Variants in ZBTB48 observed in about 807,000 individuals in gnomAD.
ZBTB48 encodes zinc finger and BTB domain containing 48, also known as zinc finger and BTB domain-containing protein 48.
ZBTB48 carries 35 observed loss-of-function variants against 64.5 expected under a neutral mutation model. That is an observed-to-expected ratio of 0.54 (90% CI 0.41 to 0.72). The LOEUF is 0.72. ZBTB48 is among the 30% of genes least tolerant of loss of function. The probability of loss-of-function intolerance (pLI) is 0.00; values close to 1 mark genes in which losing one functional copy is unlikely to be tolerated. For missense variants in ZBTB48, 828 were observed against 895.3 expected (o/e 0.92, Z 0.96); for synonymous variants, 442 against 356.7 (o/e 1.24, Z -2.70).
At chr1:6,582,442 T>C (rs182198643) in intron 3 of ZBTB48, 143 bp downstream of exon 3, 2 of 1,146,488 alleles carry the variant, frequency 1.7e-6, no homozygotes, top group Admixed American at 4.6e-5. Context: ...GGTACACCTC[T>C]GATAATCAGG....
At position 6,589,045 on chromosome 1, in the gene ZBTB48, C is replaced by G; in HGVS notation, c.1900C>G (p.Leu634Val). 1.9e-6 allele frequency: 3 copies of G among 1,600,880 alleles called. No homozygotes were observed. Among genetic ancestry groups the G allele is most frequent in the Middle Eastern group, 1.7e-4 (1 of 5,968 alleles). The stretch of plus-strand genomic sequence containing the variant: ...GGTGGCGCTGCAGCCGCCTGCAGAG[C>G]TGGAGGTGGGCTCGGCGGAGGTCAT... ...VVVALQPPAE[L>V]EVGSAEVIVE... Residue 634 changes from leucine (L) to valine (V), a missense_variant, in exon 11 of 11, where the codon CTG (leucine) becomes GTG (valine). Leu to Val is a conservative substitution (Grantham distance 32, BLOSUM62 1). Coordinates refer to ENST00000377674, the MANE Select transcript of ZBTB48 (RefSeq NM_005341.4).
chr1:6,589,105 C>T lies in ZBTB48; in HGVS notation c.1960C>T (p.Gln654Ter). The T allele has an allele frequency of 6.2e-7, 1 of 1,608,170 alleles. No homozygotes were observed. The highest frequency in any genetic ancestry group is 2.2e-5 in the East Asian group (1 of 44,858). ...CCTGGCCCAGGGCGGCCTGGCCTCC[C>T]AGCTCCCCGGCCAGAGACTGTGTGC... ...ESLAQGGLAS[Q>*]LPGQRLCAEE... The change falls in exon 11 of 11, where the codon CAG (glutamine) becomes TAG (stop). Residue 654 changes from glutamine (Q) to a stop codon, truncating the protein, a stop_gained. Coordinates refer to ENST00000377674, the MANE Select transcript of ZBTB48 (RefSeq NM_005341.4). LOFTEE classifies it high-confidence loss of function.
rs777979378 is a variant in ZBTB48 at position 6,587,484 on chromosome 1, A to T, written c.1231A>T (p.Thr411Ser). ...HGAPKPHACP[T>S]CAKCFLSRTE... The stretch of plus-strand genomic sequence containing the variant: ...CTGCCTGGTCTGCCTGCAGTGCCCC[A>T]CCTGTGCCAAGTGCTTCCTGTCTCG... The change falls in exon 7 of 11, where the codon ACC becomes TCC. Residue 411 changes from threonine (T) to serine (S), a missense_variant. By Grantham distance (58) the Thr-to-Ser change is moderately conservative (BLOSUM62 1). Transcript: ENST00000377674. 4.1e-5 allele frequency: 66 copies of T among 1,613,506 alleles called. No individual in the cohort carries two copies. The highest frequency in any genetic ancestry group is 5.0e-5 in the Non-Finnish European group (59 of 1,179,932).
intron 7 of ZBTB48, among the ~76,000 whole-genome samples, 160 bp from the exon 8 acceptor site, chr1:6,587,900 T>G (rs1281758989): frequency 6.6e-6 from 1 of 152,080 alleles, no homozygotes; most frequent in Non-Finnish European, 1.5e-5. Flanking sequence ...TTCCTGTGAC[T>G]CCTGCTCATA....
At position 6,589,012 on chromosome 1, in the gene ZBTB48, A is replaced by ATGG; in HGVS notation, c.1877_1879dup (p.Val626dup). On this transcript the variant is annotated inframe_insertion, in exon 11 of 11. Transcript: ENST00000377674. ...CAACCTGATCATCGAGGACGAGAAG[A>ATGG]TGGTGGTGGTGGCGCTGCAGCCGCC... 1 of 1,596,672 alleles carries ATGG rather than the reference A, an allele frequency of 6.3e-7. No individual in the cohort carries two copies.
chr1:6,586,126 G>A, intron 4 of ZBTB48, 96 bp downstream of exon 4: 1 of 1,259,374 alleles, frequency 7.9e-7, no homozygotes, highest in Admixed American at 1.8e-5. Flanking sequence ...TGTCTGAGAG[G>A]GGTACTGTAA....
Position 6,589,105 on chromosome 1 carries a change from C to G in ZBTB48, c.1960C>G (p.Gln654Glu). The G allele has an allele frequency of 6.2e-7, 1 of 1,608,170 alleles. No individual in the cohort carries two copies. The highest frequency in any genetic ancestry group is 1.1e-5 in the South Asian group (1 of 90,476). The change falls in exon 11 of 11, where the codon CAG becomes GAG. Residue 654 changes from glutamine (Q) to glutamate (E), a missense_variant. By Grantham distance (29) the Gln-to-Glu change is conservative. Transcript: ENST00000377674. ...CCTGGCCCAGGGCGGCCTGGCCTCCCAGCTCCCCGGCCAGAGACTGTGTGC... is the reference window on the plus strand; with the variant it reads ...CCTGGCCCAGGGCGGCCTGGCCTCCGAGCTCCCCGGCCAGAGACTGTGTGC... ...ESLAQGGLAS[Q>E]LPGQRLCAEE...
chr1:6,587,366 C>T lies in ZBTB48; in HGVS notation c.1224+75C>T, dbSNP rs977454800. The T allele has an allele frequency of 2.2e-5, 35 of 1,608,698 alleles. No individual in the cohort carries two copies. In the Middle Eastern group the frequency reaches 5.1e-4, roughly 24 times the overall value. On this transcript the variant is annotated intron_variant, in intron 6 of 10. Coordinates refer to ENST00000377674, the MANE Select transcript of ZBTB48 (RefSeq NM_005341.4). ...GTGAGCTGTGCCCAGAGTGGGCAGC[C>T]GGCCATGTACTTTCTGTTGTTCGGG...
chr1:6,583,410 C>T (rs539173100), intron 3 of ZBTB48, among the ~76,000 whole-genome samples: 2 of 152,052 alleles, frequency 1.3e-5, no homozygotes, highest in African/African-American at 4.8e-5. Flanking sequence ...AAGCGATTCT[C>T]CTGTCTCAGC....
In ZBTB48 at chr1:6,589,176, C is replaced by T. The variant is rs1182319851; in HGVS notation, c.2031C>T (p.Ile677=). 6.5e-7 allele frequency: 1 copy of T among 1,542,040 alleles called. No individual in the cohort carries two copies. Among genetic ancestry groups the T allele is most frequent in the Admixed American group, 2.1e-5 (1 of 46,718 alleles). ...TGPGVLEPSL[I]ITAAVPEDCD... is the part of the protein sequence containing the mutation. The stretch of plus-strand genomic sequence containing the variant: ...CAGGTGTCCTGGAGCCCTCCCTCAT[C>T]ATCACAGCTGCTGTCCCCGAGGACT... Residue 677 remains isoleucine, a synonymous_variant, in exon 11 of 11, where the codon ATC becomes ATT. Coordinates refer to ENST00000377674, the MANE Select transcript of ZBTB48 (RefSeq NM_005341.4).
Position 6,581,271 on chromosome 1 carries a change from G to C in ZBTB48, c.662G>C (p.Gly221Ala). The change falls in exon 2 of 11, where the codon GGT becomes GCT. Residue 221 changes from glycine to alanine, a missense_variant. Transcript: ENST00000377674. ...KVPPRPLEAE[G>A]AQLQGGSNEW... ...CCCCCAAGGCCCTTAGAGGCTGAAG[G>C]TGCCCAGCTGCAGGGCGGCAGTAAT... is the stretch of plus-strand genomic sequence containing the variant. 1 of 1,607,382 alleles carries C rather than the reference G, an allele frequency of 6.2e-7. No homozygotes were observed. Among genetic ancestry groups the C allele is most frequent in the Non-Finnish European group, 8.5e-7 (1 of 1,177,230 alleles).
At chr1:6,586,214 G>C (rs369333523) in intron 4 of ZBTB48, 184 bp downstream of exon 4, 1 of 651,694 alleles carries the variant, frequency 1.5e-6, no homozygotes, top group Non-Finnish European at 2.7e-6. Flanking sequence ...TCCTGAGGGC[G>C]GAAGGGACAG....
intron 4 of ZBTB48, 186 bp downstream of exon 4, chr1:6,586,216 AAGGGACAGGCATAGG>A (rs1640661518): frequency 1.5e-6 from 1 of 651,724 alleles, no homozygotes; most frequent in South Asian, 1.8e-5. Flanking sequence ...CTGAGGGCGG[AAGGGACAGGCATAGG>A]AGGGACTCTG....
chr1:6,582,240 C>T lies in ZBTB48; in HGVS notation c.873C>T (p.Val291=), dbSNP rs538528852. ...AENRKGTAVP[V]ECPTCHKKFL... ...ACAGAAAAGGTACAGCGGTGCCGGT[C>T]GAATGCCCCACATGTCATAAAAAGT... The change falls in exon 3 of 11, where the codon GTC becomes GTT. Residue 291 remains valine, a synonymous_variant. Transcript: ENST00000377674. 21 of 1,614,060 alleles carry T rather than the reference C, an allele frequency of 1.3e-5. No homozygotes were observed. Among genetic ancestry groups the T allele is most frequent in the African/African-American group, 9.3e-5 (7 of 75,048 alleles).
Position 6,584,698 on chromosome 1 carries a change from A to T in ZBTB48, c.933-1221A>T, listed in dbSNP as rs975654667. 6.6e-6 allele frequency among the ~76,000 whole-genome samples: 1 copy of T among 152,172 alleles called. No individual in the cohort carries two copies. The highest frequency in any genetic ancestry group is 2.4e-5 in the African/African-American group (1 of 41,426). On this transcript the variant is annotated intron_variant, in intron 3 of 10. Transcript: ENST00000377674. The surrounding 1 kb of genome is among the most constrained non-coding windows in gnomAD (Gnocchi z 4.5). ...GGGGTAAGACTCTGGGGCAGTTTCCATCCCTTCCTTGGGCTTCAGCTTGCT... is the reference window on the plus strand; with the variant it reads ...GGGGTAAGACTCTGGGGCAGTTTCCTTCCCTTCCTTGGGCTTCAGCTTGCT...
In ZBTB48 at chr1:6,580,720, T is replaced by G; in HGVS notation, c.111T>G (p.Phe37Leu). The change falls in exon 2 of 11, where the codon TTT becomes TTG. Residue 37 changes from phenylalanine to leucine, a missense_variant. By Grantham distance (22) the Phe-to-Leu change is conservative (BLOSUM62 0). Coordinates refer to ENST00000377674, the MANE Select transcript of ZBTB48 (RefSeq NM_005341.4). This position sits in a 1 kb window ranked among gnomAD's most constrained non-coding sequence, Gnocchi z 5.2. ...CTCTGGACGTGGGGGGCCTGGTGTT[T>G]AAGGCACACTGGAGTGTCCTTGCCT... ...DATLDVGGLVFKAHWSVLACC... is the reference protein window; with the variant it reads ...DATLDVGGLVLKAHWSVLACC... 6.2e-7 allele frequency: 1 copy of G among 1,614,138 alleles called. No homozygotes were observed. Among genetic ancestry groups the G allele is most frequent in the Non-Finnish European group, 8.5e-7 (1 of 1,180,026 alleles).
chr1:6,582,276 ATAT>A lies in ZBTB48; in HGVS notation c.913_915del (p.Tyr305del). ...CATGTCATAAAAAGTTCCTCAGCAA[ATAT>A]TATCTAAAAGTCCACAACAGGTAAA... On this transcript the variant is annotated inframe_deletion, in exon 3 of 11. Coordinates refer to ENST00000377674, the MANE Select transcript of ZBTB48 (RefSeq NM_005341.4). 1.9e-6 allele frequency: 3 copies of A among 1,612,318 alleles called. No individual in the cohort carries two copies. The highest frequency in any genetic ancestry group is 1.1e-5 in the South Asian group (1 of 91,066).
In ZBTB48 at chr1:6,588,298, C is replaced by T. The variant is rs1347744730; in HGVS notation, c.1537C>T (p.Arg513Cys). The T allele has an allele frequency of 3.1e-6, 5 of 1,608,032 alleles. No homozygotes were observed. Among genetic ancestry groups the T allele is most frequent in the East Asian group, 2.2e-5 (1 of 44,716 alleles). ...RTQASLDKHN[R>C]THTGERPFSC... ...TGCAGCCAGCCTGGACAAGCACAAC[C>T]GCACCCACACCGGGGAAAGGCCCTT... The change falls in exon 9 of 11, where the codon CGC becomes TGC. Residue 513 changes from arginine (R) to cysteine (C), a missense_variant. Arg to Cys is a radical substitution (Grantham distance 180). Transcript: ENST00000377674.
At chr1:6,588,558 TGA>T (rs1253516373) in intron 9 of ZBTB48, 116 bp downstream of exon 9, 60 of 1,449,064 alleles carry the variant, frequency 4.1e-5, no homozygotes, top group Non-Finnish European at 4.6e-5. Context: ...TGGTTAGAGT[TGA>T]GAGTGGACCT....
Sources: allele counts gnomAD v4.1 joint callset (sites outside exome capture counted in the v4.1 genomes callset), GRCh38; gene constraint gnomAD v4.1.1; non-coding constraint Gnocchi (gnomAD v3.1); transcripts MANE v1.5; gene names NCBI Gene and HGNC (gene_info 2026-07-23, HGNC 2026-07-21).